The following ASB3 variants were observed in gnomAD, a reference collection of about 807,000 sequenced individuals.
ASB3 encodes the protein ankyrin repeat and SOCS box protein 3.
In ASB3, 41 loss-of-function variants were observed where a neutral mutation model predicts 54.5. The ratio of observed to expected loss-of-function variants is 0.75; its 90% CI spans 0.59 to 0.98. The LOEUF (loss-of-function observed/expected upper bound fraction) is 0.98, where lower values mean the gene tolerates loss of function less well. Ranked by LOEUF, ASB3 falls within the 50% of genes least tolerant of loss-of-function variation. The pLI is 0.00. For missense variants in ASB3, 733 were observed against 620.0 expected, an observed-to-expected ratio of 1.18 and a Z score of -1.94; for synonymous variants, 266 against 221.2, an observed-to-expected ratio of 1.20 and a Z score of -1.80.
chr2:53,763,437 AATAGC>A (rs1673259191), intron 2 of ASB3: 1 of 169,346 alleles, frequency 5.9e-6, no homozygotes, highest in Non-Finnish European at 1.5e-5. Context: ...GATGGAAGAT[AATAGC>A]ATTTGTAGGA....
At chr2:53,720,138 C>CAA (rs199786882) in intron 5 of ASB3, among the ~76,000 whole-genome samples, 4 of 141,116 alleles carry the variant, frequency 2.8e-5, no homozygotes, top group East Asian at 2.0e-4. Context: ...ATCAGAAACT[C>CAA]AAAAAAAAAA....
Position 53,670,638 on chromosome 2 carries a change from T to A in ASB3, c.1422A>T (p.Leu474=). 1.2e-6 allele frequency: 2 copies of A among 1,614,110 alleles called. No homozygotes were observed. Among genetic ancestry groups the A allele is most frequent in the Non-Finnish European group, 1.7e-6 (2 of 1,179,994 alleles). ...TGTCAGACCGTAGACGTTCTGATTT[T>A]AGACTGGACCGAATTTCCAAACGAC... is the stretch of plus-strand genomic sequence containing the variant. ...HLCRLEIRSS[L]KSERLRSDSY... Residue 474 remains leucine (L), a synonymous_variant, in exon 10 of 10, where the codon CTA becomes CTT. Coordinates refer to ENST00000263634, the MANE Select transcript of ASB3 (RefSeq NM_016115.5).
chr2:53,744,579 C>A (rs567844475), intron 3 of ASB3, among the ~76,000 whole-genome samples: 1 of 152,050 alleles, frequency 6.6e-6, no homozygotes, highest in East Asian at 1.9e-4. Flanking sequence ...AACATGTCCT[C>A]AAGTAAAAAT....
At chr2:53,675,695 G>C (rs1668048569) in intron 9 of ASB3, among the ~76,000 whole-genome samples, 1 of 152,096 alleles carries the variant, frequency 6.6e-6, no homozygotes, top group Non-Finnish European at 1.5e-5. Flanking sequence ...TAATCAGAAA[G>C]TTTTGCATTT....
At chr2:53,753,242 G>A (rs933857050) in intron 2 of ASB3, among the ~76,000 whole-genome samples, 5 of 152,160 alleles carry the variant, frequency 3.3e-5, no homozygotes, top group Non-Finnish European at 7.4e-5. Flanking sequence ...AAAAAGAACT[G>A]CACATAAACA....
At chr2:53,726,631 TACACATATATATAC>T (rs1199222796) in intron 5 of ASB3, among the ~76,000 whole-genome samples, 31 of 151,344 alleles carry the variant, frequency 2.0e-4, no homozygotes, top group Non-Finnish European at 2.8e-4. Context: ...CATATATATA[TACACATATATATAC>T]ACACATATAT....
At chr2:53,705,182 G>C (rs1292487010) in intron 7 of ASB3, among the ~76,000 whole-genome samples, 1 of 152,004 alleles carries the variant, frequency 6.6e-6, no homozygotes, top group Non-Finnish European at 1.5e-5. Flanking sequence ...GATATTTTGA[G>C]GTTTTGACTT....
At position 53,714,731 on chromosome 2, in the gene ASB3, A is replaced by G. The variant is rs998024611; in HGVS notation, c.783-150T>C. 36 of 719,624 alleles carry G rather than the reference A, an allele frequency of 5.0e-5. No individual in the cohort carries two copies. In the South Asian group the frequency reaches 6.5e-4, roughly 13 times the overall value. The allele number at this position is 719,624 out of a possible 1,614,324, so 44.6% of individuals were successfully genotyped here. ...GGGTGTACCTTCTACCAACAACATT[A>G]AACTATTACATGCTATATATTTACT... On this transcript the variant is annotated intron_variant, in intron 6 of 9. Coordinates refer to ENST00000263634, the MANE Select transcript of ASB3 (RefSeq NM_016115.5).
At chr2:53,715,764 C>T (rs764817440) in intron 6 of ASB3, among the ~76,000 whole-genome samples, 3 of 152,098 alleles carry the variant, frequency 2.0e-5, no homozygotes, top group Non-Finnish European at 2.9e-5. Context: ...TAGTAAAGTA[C>T]TGTGTCACCT....
At position 53,714,406 on chromosome 2, in the gene ASB3, C is replaced by T. The variant is rs1054954203; in HGVS notation, c.958G>A (p.Val320Met). Residue 320 changes from valine (V) to methionine (M), a missense_variant, in exon 7 of 10, where the codon GTG becomes ATG. Coordinates refer to ENST00000263634, the MANE Select transcript of ASB3 (RefSeq NM_016115.5). ...ACLVFGFSSP[V>M]CMAFQKDCEF... ...TACTCCTTTTGGAAAGCCATGCACA[C>T]AGGAGAACTGAATCCAAAAACAAGG... is the stretch of plus-strand genomic sequence containing the variant. 1.2e-6 allele frequency: 2 copies of T among 1,614,080 alleles called. No homozygotes were observed. Among genetic ancestry groups the T allele is most frequent in the Admixed American group, 3.3e-5 (2 of 60,004 alleles).
At chr2:53,740,109 A>T (rs3821080) in intron 3 of ASB3, among the ~76,000 whole-genome samples, 3 of 152,118 alleles carry the variant, frequency 2.0e-5, no homozygotes, top group Non-Finnish European at 4.4e-5. Context: ...GCTATGCAGA[A>T]ATCATCTATA....
chr2:53,707,432 C>T (rs1179962492), intron 7 of ASB3, among the ~76,000 whole-genome samples: 2 of 150,932 alleles, frequency 1.3e-5, no homozygotes, highest in East Asian at 3.9e-4. Context: ...CACTGGAGCT[C>T]AGGAGTTGGA....
intron 9 of ASB3, among the ~76,000 whole-genome samples, chr2:53,683,998 G>A (rs969025873): frequency 4.6e-5 from 7 of 151,774 alleles, no homozygotes; most frequent in Admixed American, 1.3e-4. Context: ...GTAATTTTGC[G>A]TTTGGTTTGC....
intron 1 of ASB3, among the ~76,000 whole-genome samples, chr2:53,770,097 C>A (rs751981340): frequency 1.3e-5 from 2 of 151,940 alleles, no homozygotes; most frequent in Non-Finnish European, 2.9e-5. Flanking sequence ...TCTACTTGAC[C>A]CTCACCAATA....
chr2:53,686,748 T>C (rs1252690256), intron 9 of ASB3, among the ~76,000 whole-genome samples: 7 of 152,238 alleles, frequency 4.6e-5, no homozygotes, highest in Middle Eastern at 3.4e-3. Context: ...CAGAGTTTCA[T>C]TCTTGTTGCC....
chr2:53,702,529 C>T (rs1669547621), intron 7 of ASB3, among the ~76,000 whole-genome samples: 1 of 152,122 alleles, frequency 6.6e-6, no homozygotes, highest in Non-Finnish European at 1.5e-5. Context: ...ATTGAGAAAA[C>T]TCTTCAAGTA....
In ASB3 at chr2:53,727,563, G is replaced by C. The variant is rs114384785; in HGVS notation, c.604+1149C>G. Among the ~76,000 whole-genome samples the C allele has an allele frequency of 8.1e-3, 1,229 of 152,260 alleles. 13 individuals carry two copies. The highest frequency in any genetic ancestry group is 0.028 in the African/African-American group (1,168 of 41,554). Reference sequence around the variant, plus strand: ...AAGGGGCAAAATCGCTGGAGGTCAGGAGTTTAAGGTTACAATGAGCTGTGA... The same window carrying C: ...AAGGGGCAAAATCGCTGGAGGTCAGCAGTTTAAGGTTACAATGAGCTGTGA... On this transcript the variant is annotated intron_variant, in intron 5 of 9. Coordinates refer to ENST00000263634, the MANE Select transcript of ASB3 (RefSeq NM_016115.5).
intron 2 of ASB3, among the ~76,000 whole-genome samples, chr2:53,754,024 A>T (rs1323255646): frequency 6.6e-6 from 1 of 152,118 alleles, no homozygotes; most frequent in Non-Finnish European, 1.5e-5. Context: ...CTGAGGTGGG[A>T]AACATACAAA....
In ASB3 at chr2:53,768,359, G is replaced by A. The variant is rs532243200; in HGVS notation, c.-13-2774C>T. The A allele has an allele frequency of 4.1e-5, 9 of 221,084 alleles. No individual in the cohort carries two copies. In the East Asian group the frequency reaches 6.8e-4, roughly 17 times the overall value. The allele number at this position is 221,084 out of a possible 1,614,324, so 13.7% of individuals were successfully genotyped here. A position where few individuals can be genotyped will look rare whatever the true frequency, so the allele number is the denominator to read the frequency against. Reference sequence around the variant, plus strand: ...CCAAAAGAAAAAAAGTCCCATTGGCGGGAAGATGAATGCTCATGTCACCAC... The same window carrying A: ...CCAAAAGAAAAAAAGTCCCATTGGCAGGAAGATGAATGCTCATGTCACCAC... On this transcript the variant is annotated intron_variant, in intron 1 of 9. Transcript: ENST00000263634.
Sources: gnomAD v4.1 joint callset for allele counts (sites outside exome capture counted in the v4.1 genomes callset) on GRCh38, gnomAD v4.1.1 for gene constraint, MANE v1.5 for transcripts, NCBI Gene and HGNC (gene_info 2026-07-23, HGNC 2026-07-21) for gene names.